NCALD: variants seen among roughly 807,000 people sequenced by gnomAD.
NCALD encodes the protein neurocalcin-delta.
Under a neutral mutation model 18.6 loss-of-function variants are expected in NCALD, and 10 were observed. That is an observed-to-expected ratio of 0.54 (90% CI 0.33 to 0.91). The LOEUF is 0.91. Ranked by LOEUF, NCALD falls within the 40% of genes least tolerant of loss-of-function variation. NCALD has a pLI of 0.03. For missense variants in NCALD, 184 were observed against 247.6 expected (o/e 0.74, Z 1.72); for synonymous variants, 88 against 87.4 (o/e 1.01, Z -0.04).
intron 2 of NCALD, among the ~76,000 whole-genome samples, chr8:101,951,363 G>A (rs966004357): frequency 1.3e-5 from 2 of 152,198 alleles, no homozygotes; most frequent in Non-Finnish European, 2.9e-5. Flanking sequence ...GCTGATGGAG[G>A]CAACTGGAGC....
intron 1 of NCALD, among the ~76,000 whole-genome samples, chr8:101,764,248 G>A (rs1186307552): frequency 6.6e-6 from 1 of 152,116 alleles, no homozygotes; most frequent in Admixed American, 6.5e-5. Flanking sequence ...AACAATTACT[G>A]AATCCTCCAA....
chr8:101,950,408 G>A (rs1819345951), intron 2 of NCALD: 1 of 152,166 alleles, frequency 6.6e-6, no homozygotes, highest in Non-Finnish European at 1.5e-5. Context: ...AAATTTTGTT[G>A]GGACCAAAAG....
At chr8:101,823,560 T>A (rs1028931801) in intron 4 of NCALD, among the ~76,000 whole-genome samples, 3 of 151,876 alleles carry the variant, frequency 2.0e-5, no homozygotes, top group African/African-American at 7.3e-5. Context: ...ATAAAAAAAA[T>A]GTAAAAACCA....
At chr8:101,745,580 A>C (rs1441067333) in intron 1 of NCALD, among the ~76,000 whole-genome samples, 1 of 152,168 alleles carries the variant, frequency 6.6e-6, no homozygotes, top group Non-Finnish European at 1.5e-5. Context: ...GAAAAGACTT[A>C]ATTACAAAGT....
In NCALD at chr8:101,842,546, C is replaced by T. The variant is rs527953626; in HGVS notation, c.-20+44595G>A. On this transcript the variant is annotated intron_variant, in intron 4 of 6. Coordinates refer to the NCALD transcript ENST00000311028. ...AAAAGCCAGTCTCTGTCACTCTGCC[C>T]CCTTTGGAATTATCCTTATGTTAGT... is the stretch of plus-strand genomic sequence containing the variant. 7.9e-5 allele frequency among the ~76,000 whole-genome samples: 12 copies of T among 152,262 alleles called. No homozygotes were observed. The South Asian group carries it at 2.5e-3, about 32-fold the overall frequency.
chr8:102,033,260 A>T (rs903964676), intron 1 of NCALD, among the ~76,000 whole-genome samples: 3 of 152,164 alleles, frequency 2.0e-5, no homozygotes, highest in Non-Finnish European at 4.4e-5. Context: ...AACCTGGTAG[A>T]ATGATGGAAT....
At chr8:102,104,311 C>T (rs1400059570) in intron 1 of NCALD, among the ~76,000 whole-genome samples, 5 of 152,056 alleles carry the variant, frequency 3.3e-5, no homozygotes, top group Admixed American at 6.6e-5. Flanking sequence ...ATGTAATTTA[C>T]CAAAGTCATT....
chr8:101,861,156 A>G (rs1361590192), intron 4 of NCALD, among the ~76,000 whole-genome samples: 1 of 152,092 alleles, frequency 6.6e-6, no homozygotes, highest in East Asian at 1.9e-4. Context: ...CCAGAATGGT[A>G]AGATAGTAAA....
intron 4 of NCALD, among the ~76,000 whole-genome samples, chr8:101,810,873 C>A: frequency 1.3e-5 from 2 of 151,426 alleles, no homozygotes; most frequent in Admixed American, 6.6e-5. Flanking sequence ...TTAATAAAAT[C>A]AAATATATAA....
intron 2 of NCALD, among the ~76,000 whole-genome samples, chr8:101,941,969 G>A (rs971287133): frequency 6.6e-6 from 1 of 152,030 alleles, no homozygotes; most frequent in Non-Finnish European, 1.5e-5. Flanking sequence ...TCACCTGAAT[G>A]ACTCATCTTT....
intron 2 of NCALD, among the ~76,000 whole-genome samples, chr8:101,949,025 TTA>T (rs1254541569): frequency 6.6e-6 from 1 of 152,104 alleles, no homozygotes; most frequent in Non-Finnish European, 1.5e-5. Context: ...AGAAAACATC[TTA>T]TAGAGTTCAT....
At chr8:101,709,901 T>G (rs1201543909) in intron 2 of NCALD, among the ~76,000 whole-genome samples, 1 of 152,232 alleles carries the variant, frequency 6.6e-6, no homozygotes, top group African/African-American at 2.4e-5. Context: ...TGAGAGATGA[T>G]TTTTGATGTG....
chr8:102,072,775 C>T (rs1238379861), intron 1 of NCALD, among the ~76,000 whole-genome samples: 2 of 152,098 alleles, frequency 1.3e-5, no homozygotes, highest in Non-Finnish European at 2.9e-5. Flanking sequence ...TCACAATCAT[C>T]AGAGAAACAA....
intron 1 of NCALD, among the ~76,000 whole-genome samples, chr8:101,766,455 A>G (rs1339075243): frequency 6.6e-6 from 1 of 152,218 alleles, no homozygotes; most frequent in Non-Finnish European, 1.5e-5. Context: ...TTTCTTATAT[A>G]TGATACATAC....
rs1815458120 is a variant in NCALD at position 101,705,234 on chromosome 8, A to C, written c.379-12338T>G. 2.0e-5 allele frequency among the ~76,000 whole-genome samples: 3 copies of C among 151,944 alleles called. No homozygotes were observed. The South Asian group carries it at 6.2e-4, about 31-fold the overall frequency. ...GCAAGACTTCATCTCAAAATAAATA[A>C]ATAAATAAATAAAATTAAAATAAAA... On this transcript the variant is annotated intron_variant, in intron 2 of 3. Coordinates refer to ENST00000220931, the MANE Select transcript of NCALD (RefSeq NM_032041.3).
In NCALD at chr8:102,001,219, C is replaced by T. The variant is rs187887946; in HGVS notation, c.-157+19018G>A. 9.6e-3 allele frequency among the ~76,000 whole-genome samples: 1,464 copies of T among 152,228 alleles called. 24 individuals carry two copies. The highest frequency in any genetic ancestry group is 0.03 in the African/African-American group (1,246 of 41,518). ...GCTGAAAACCATGGCACGAGAACTA[C>T]GTGATGAACGCACAAGCCTCAGTAG... is the stretch of plus-strand genomic sequence containing the variant. On this transcript the variant is annotated intron_variant, in intron 2 of 6. Transcript: ENST00000311028.
At chr8:101,762,729 A>G (rs978874041) in intron 1 of NCALD, among the ~76,000 whole-genome samples, 2 of 151,796 alleles carry the variant, frequency 1.3e-5, no homozygotes, top group Admixed American at 1.3e-4. Context: ...GCTTGCCACC[A>G]CGCCTGGCTA....
chr8:101,712,968 G>A (rs1394080001), intron 2 of NCALD, among the ~76,000 whole-genome samples: 1 of 152,152 alleles, frequency 6.6e-6, no homozygotes, highest in African/African-American at 2.4e-5. Context: ...CAAATCAACA[G>A]TGTATACATT....
At chr8:101,937,159 G>A (rs1007735757) in intron 2 of NCALD, among the ~76,000 whole-genome samples, 2 of 151,986 alleles carry the variant, frequency 1.3e-5, no homozygotes, top group Non-Finnish European at 1.5e-5. Context: ...ATCATTCTAG[G>A]GATCCAGTGC....
Sources: allele counts gnomAD v4.1 joint callset (sites outside exome capture counted in the v4.1 genomes callset), GRCh38; gene constraint gnomAD v4.1.1; transcripts MANE v1.5; gene names NCBI Gene and HGNC (gene_info 2026-07-23, HGNC 2026-07-21).